Variants in HDAC3 observed in about 807,000 individuals in gnomAD.
The protein encoded by HDAC3 is histone deacetylase 3.
A neutral mutation model predicts 62.3 loss-of-function variants in HDAC3; 21 were observed. The observed-to-expected ratio is 0.34, with a 90% confidence interval of 0.24 to 0.49. HDAC3 has a LOEUF of 0.49. Ranked by LOEUF, HDAC3 falls within the 20% of genes least tolerant of loss-of-function variation. The probability of loss-of-function intolerance (pLI) is 0.99; values close to 1 mark genes in which losing one functional copy is unlikely to be tolerated. For missense variants in HDAC3, 270 were observed against 556.9 expected, an observed-to-expected ratio of 0.48 and a Z score of 5.19; for synonymous variants, 198 against 206.5, an observed-to-expected ratio of 0.96 and a Z score of 0.35.
chr5:141,635,269 A>C, intron 2 of HDAC3: 1 of 235,416 alleles, frequency 4.2e-6, no homozygotes, highest in African/African-American at 2.3e-5. Flanking sequence ...CTCCTCCCCC[A>C]AGCTCTGATT....
rs918527385 is a variant in HDAC3 at position 141,634,747 on chromosome 5, A to C, written c.281+64T>G. On this transcript the variant is annotated intron_variant, in intron 3 of 14. Transcript: ENST00000305264. ...CCTTGAGATCTTCCCACTGCTGCCA[A>C]AAGACCTCACTGAAGGGCTTGGCAT... 4.0e-5 allele frequency: 62 copies of C among 1,543,204 alleles called. 2 individuals carry two copies. The Admixed American group carries it at 9.9e-4, about 25-fold the overall frequency.
In HDAC3 at chr5:141,621,110, G is replaced by C; in HGVS notation, c.*358C>G. ...GAACCCAGGGGAGGAGGAAGTCAGAGGCAATCTCAGTCCTTGTCTACCCGT... is the reference window on the plus strand; with the variant it reads ...GAACCCAGGGGAGGAGGAAGTCAGACGCAATCTCAGTCCTTGTCTACCCGT... On this transcript the variant is annotated 3_prime_UTR_variant, in exon 15 of 15. Transcript: ENST00000305264. 1 of 255,166 alleles carries C rather than the reference G, an allele frequency of 3.9e-6. No individual in the cohort carries two copies. Among genetic ancestry groups the C allele is most frequent in the Non-Finnish European group, 7.6e-6 (1 of 131,154 alleles). 15.8% of individuals were successfully genotyped at this position (255,166 alleles called of 1,614,324 possible).
chr5:141,623,807 T>C lies in HDAC3; in HGVS notation c.1217+1401A>G, dbSNP rs148596910. On this transcript the variant is annotated intron_variant, in intron 14 of 14. Coordinates refer to ENST00000305264, the MANE Select transcript of HDAC3 (RefSeq NM_003883.4). ...CAGAGCCGGCTCAAACCTCTAACCC[T>C]GCGTGGGAGCAAGACAGCGTGTCCC... 3.6e-4 allele frequency among the ~76,000 whole-genome samples: 55 copies of C among 152,176 alleles called. No individual in the cohort carries two copies. The East Asian group carries it at 0.011, about 29-fold the overall frequency.
chr5:141,627,828 C>T lies in HDAC3; in HGVS notation c.830+65G>A, dbSNP rs371317414. 8.6e-6 allele frequency: 12 copies of T among 1,403,146 alleles called. 2 individuals are homozygous for T. In the African/African-American group the frequency reaches 9.9e-5, roughly 12 times the overall value. The allele number at this position is 1,403,146 out of a possible 1,614,324, so 86.9% of individuals were successfully genotyped here. On this transcript the variant is annotated intron_variant, in intron 10 of 14. Transcript: ENST00000305264. ...GTGAGGCCCATTCCCCAACTACCCC[C>T]ACCCACGTACTGAAGTCCAAGGCCA...
intron 14 of HDAC3, among the ~76,000 whole-genome samples, chr5:141,623,474 A>G (rs543648344): frequency 6.6e-6 from 1 of 152,302 alleles, no homozygotes; most frequent in South Asian, 2.1e-4. Context: ...GACTAGGTCC[A>G]GATGCCAGCC....
At chr5:141,630,474 C>G (rs923209217) in intron 3 of HDAC3, among the ~76,000 whole-genome samples, 3 of 152,122 alleles carry the variant, frequency 2.0e-5, no homozygotes, top group African/African-American at 7.2e-5. Flanking sequence ...CTCAGTGTAA[C>G]AAATTTTAGC....
Position 141,628,380 on chromosome 5 carries a change from C to T in HDAC3, c.691+179G>A. ...ACTGATGAAAGCCAATGACTTTTCC[C>T]AGAAAAATGCACATACACATGATAT... On this transcript the variant is annotated intron_variant, in intron 8 of 14. Transcript: ENST00000305264. This position sits in a 1 kb window ranked among gnomAD's most constrained non-coding sequence, Gnocchi z 4.7. 1 of 725,016 alleles carries T rather than the reference C, an allele frequency of 1.4e-6. No individual in the cohort carries two copies. Among genetic ancestry groups the T allele is most frequent in the Non-Finnish European group, 2.4e-6 (1 of 417,856 alleles). The allele number at this position is 725,016 out of a possible 1,614,324, so 44.9% of individuals were successfully genotyped here. A position where few individuals can be genotyped will look rare whatever the true frequency, so the allele number is the denominator to read the frequency against.
chr5:141,629,737 G>A lies in HDAC3; in HGVS notation c.423C>T (p.Ala141=). The change falls in exon 6 of 15, where the codon GCC becomes GCT. Residue 141 remains alanine (A), a splice_region_variant and synonymous_variant. Coordinates refer to ENST00000305264, the MANE Select transcript of HDAC3 (RefSeq NM_003883.4). The surrounding 1 kb of genome is among the most constrained non-coding windows in gnomAD (Gnocchi z 5.3). ...GGLHHAKKFE[A]SGFCYVNDIV... is the part of the protein sequence containing the mutation. ...TGTCGTTGACATAGCAGAAGCCAGA[G>A]GCCTATGGCAAGACAGTGGTCTCAT... 1 of 1,614,082 alleles carries A rather than the reference G, an allele frequency of 6.2e-7. No individual in the cohort carries two copies. Among genetic ancestry groups the A allele is most frequent in the Non-Finnish European group, 8.5e-7 (1 of 1,179,990 alleles).
At position 141,629,624 on chromosome 5, in the gene HDAC3, T is replaced by A; in HGVS notation, c.476+60A>T. 1 of 1,544,670 alleles carries A rather than the reference T, an allele frequency of 6.5e-7. No homozygotes were observed. Among genetic ancestry groups the A allele is most frequent in the South Asian group, 1.1e-5 (1 of 89,562 alleles). ...GGGAGGTCAAGGTCAGGGTTGAGACTGAGAGACCTCCTCAGCCAAGAATCC... is the reference window on the plus strand; with the variant it reads ...GGGAGGTCAAGGTCAGGGTTGAGACAGAGAGACCTCCTCAGCCAAGAATCC... On this transcript the variant is annotated intron_variant, in intron 6 of 14. Coordinates refer to ENST00000305264, the MANE Select transcript of HDAC3 (RefSeq NM_003883.4). This position sits in a 1 kb window ranked among gnomAD's most constrained non-coding sequence, Gnocchi z 5.3.
chr5:141,623,497 T>TA (rs2099903981), intron 14 of HDAC3, among the ~76,000 whole-genome samples: 3 of 151,980 alleles, frequency 2.0e-5, no homozygotes, highest in Admixed American at 1.3e-4. Context: ...GAGCTATTGA[T>TA]AAAAAACCCA....
In HDAC3 at chr5:141,628,469, G is replaced by T; in HGVS notation, c.691+90C>A. On this transcript the variant is annotated intron_variant, in intron 8 of 14. Coordinates refer to ENST00000305264, the MANE Select transcript of HDAC3 (RefSeq NM_003883.4). The surrounding 1 kb of genome is among the most constrained non-coding windows in gnomAD (Gnocchi z 4.7). ...GGCCATTCATCCTTAAGGACAACTGGCCCAACAGCAGACAATACCAGGCAG... is the reference window on the plus strand; with the variant it reads ...GGCCATTCATCCTTAAGGACAACTGTCCCAACAGCAGACAATACCAGGCAG... 2 of 1,062,534 alleles carry T rather than the reference G, an allele frequency of 1.9e-6. No individual in the cohort carries two copies. Among genetic ancestry groups the T allele is most frequent in the Non-Finnish European group, 2.9e-6 (2 of 685,144 alleles). The allele number at this position is 1,062,534 out of a possible 1,614,324, so 65.8% of individuals were successfully genotyped here.
At chr5:141,622,380 T>G (rs1190854947) in intron 14 of HDAC3, among the ~76,000 whole-genome samples, 1 of 151,484 alleles carries the variant, frequency 6.6e-6, no homozygotes, top group Non-Finnish European at 1.5e-5. Flanking sequence ...CCAAGGCAGG[T>G]GGATCACAAG....
intron 3 of HDAC3, among the ~76,000 whole-genome samples, chr5:141,632,183 CAT>C (rs1433546848): frequency 6.6e-6 from 1 of 152,308 alleles, no homozygotes; most frequent in Non-Finnish European, 1.5e-5. Flanking sequence ...TGCCACCACA[CAT>C]GACTAATTTT....
At position 141,626,346 on chromosome 5, in the gene HDAC3, A is replaced by T; in HGVS notation, c.831-63T>A. The T allele has an allele frequency of 8.1e-7, 1 of 1,228,418 alleles. No homozygotes were observed. The highest frequency in any genetic ancestry group is 1.2e-5 in the South Asian group (1 of 81,962). 76.1% of individuals were successfully genotyped at this position (1,228,418 alleles called of 1,614,324 possible). A position where few individuals can be genotyped will look rare whatever the true frequency, so the allele number is the denominator to read the frequency against. On this transcript the variant is annotated intron_variant, in intron 10 of 14. Coordinates refer to ENST00000305264, the MANE Select transcript of HDAC3 (RefSeq NM_003883.4). This position sits in a 1 kb window ranked among gnomAD's most constrained non-coding sequence, Gnocchi z 4.6. The stretch of plus-strand genomic sequence containing the variant: ...ATCAAAAGACAAGGTAAATACCTTT[A>T]GGTATTGCCTGAAAGGAGCACAAGA...
intron 2 of HDAC3, chr5:141,636,341 GC>G: frequency 1.7e-6 from 1 of 600,224 alleles, no homozygotes; most frequent in Non-Finnish European, 3.0e-6. Context: ...TCAGAGGGTG[GC>G]CGACCTGAGG....
At chr5:141,621,785 T>G (rs2099903742) in intron 14 of HDAC3, among the ~76,000 whole-genome samples, 1 of 152,116 alleles carries the variant, frequency 6.6e-6, no homozygotes, top group Non-Finnish European at 1.5e-5. Context: ...CTCAAAAAGC[T>G]TACCTAATAA....
rs1305853142 is a variant in HDAC3 at position 141,629,771 on chromosome 5, G to A, written c.421-32C>T. On this transcript the variant is annotated intron_variant, in intron 5 of 14. Transcript: ENST00000305264. This position sits in a 1 kb window ranked among gnomAD's most constrained non-coding sequence, Gnocchi z 5.3. ...CAAGACAGTGGTCTCATAAAGAGAA[G>A]AGCAATTCCCCTCCCAGCTGCCCCC... The A allele has an allele frequency of 1.9e-6, 3 of 1,613,256 alleles. No homozygotes were observed. Among genetic ancestry groups the A allele is most frequent in the Non-Finnish European group, 2.5e-6 (3 of 1,179,376 alleles).
At chr5:141,633,036 T>TTA (rs1467561293) in intron 3 of HDAC3, among the ~76,000 whole-genome samples, 1 of 152,214 alleles carries the variant, frequency 6.6e-6, no homozygotes, top group Non-Finnish European at 1.5e-5. Flanking sequence ...CTCAATTTAC[T>TTA]TATATATAAC....
rs1210067244 is a variant in HDAC3, at chr5:141,629,551, C to G, written c.476+133G>C. The G allele has an allele frequency of 5.6e-5, 55 of 976,568 alleles. No homozygotes were observed. Among genetic ancestry groups the G allele is most frequent in the Non-Finnish European group, 8.2e-5 (52 of 635,902 alleles). The allele number at this position is 976,568 out of a possible 1,614,324, so 60.5% of individuals were successfully genotyped here. ...AGGGAATCTGCAGCAGTGGAAGAGG[C>G]AGCCTGAATAAAGCATCAAGAACTT... On this transcript the variant is annotated intron_variant, in intron 6 of 14. Transcript: ENST00000305264. This position sits in a 1 kb window ranked among gnomAD's most constrained non-coding sequence, Gnocchi z 5.3.
Sources: allele counts gnomAD v4.1 joint callset (sites outside exome capture counted in the v4.1 genomes callset), GRCh38; gene constraint gnomAD v4.1.1; non-coding constraint Gnocchi (gnomAD v3.1); transcripts MANE v1.5; gene names NCBI Gene and HGNC (gene_info 2026-07-23, HGNC 2026-07-21).